STK10: variants seen among roughly 807,000 people sequenced by gnomAD.
STK10 encodes the protein serine/threonine-protein kinase 10.
Under a neutral mutation model 113.8 loss-of-function variants are expected in STK10, and 78 were observed. The ratio of observed to expected loss-of-function variants is 0.69; its 90% CI spans 0.57 to 0.83. The LOEUF is 0.83. Ranked by LOEUF, STK10 falls within the 40% of genes least tolerant of loss-of-function variation. The pLI is 0.00. For missense variants in STK10, 1,109 were observed against 1,280.1 expected (o/e 0.87, Z 2.04); for synonymous variants, 465 against 494.7 (o/e 0.94, Z 0.80).
intron 2 of STK10, among the ~76,000 whole-genome samples, chr5:172,148,712 G>A (rs1457854388): frequency 2.0e-5 from 3 of 152,254 alleles, no homozygotes; most frequent in Non-Finnish European, 4.4e-5. Flanking sequence ...TACATCCTTT[G>A]AACTGTTCCC....
rs368104325 is a variant in STK10 at position 172,056,744 on chromosome 5, A to G, written c.2337+605T>C. Among the ~76,000 whole-genome samples, 779 of 151,212 alleles carry G rather than the reference A, an allele frequency of 5.2e-3. 5 individuals carry two copies. The highest frequency in any genetic ancestry group is 0.018 in the African/African-American group (744 of 41,188). On this transcript the variant is annotated intron_variant, in intron 15 of 18. Transcript: ENST00000176763. ...CAAAAATTAGCCAGGCATGGTGGCA[A>G]GCACCTGTAATCCCAGCTACTCGGG... is the stretch of plus-strand genomic sequence containing the variant.
Position 172,093,296 on chromosome 5 carries a change from CT to C in STK10, c.1554+115del. 2 of 1,157,360 alleles carry C rather than the reference CT, an allele frequency of 1.7e-6. No individual in the cohort carries two copies. 71.7% of individuals were successfully genotyped at this position (1,157,360 alleles called of 1,614,324 possible). A position where few individuals can be genotyped will look rare whatever the true frequency, so the allele number is the denominator to read the frequency against. On this transcript the variant is annotated intron_variant, in intron 9 of 18. Transcript: ENST00000176763. The surrounding 1 kb of genome is among the most constrained non-coding windows in gnomAD (Gnocchi z 4.1). ...AACTATGAGTCAAACCCAAAACCCC[CT>C]AATGAACCACTTAAAATGCAAGGAA...
intron 2 of STK10, among the ~76,000 whole-genome samples, chr5:172,149,414 G>A (rs1353709920): frequency 6.6e-6 from 1 of 152,152 alleles, no homozygotes; most frequent in African/African-American, 2.4e-5. Context: ...TCTGTAAAAT[G>A]GGCATGTCGA....
intron 1 of STK10, among the ~76,000 whole-genome samples, chr5:172,163,911 G>A (rs1291235296): frequency 6.6e-6 from 1 of 152,034 alleles, no homozygotes; most frequent in Non-Finnish European, 1.5e-5. Context: ...CACAGTGATT[G>A]GCTCAAGAAT....
At chr5:172,125,036 A>G (rs1003638320) in intron 3 of STK10, among the ~76,000 whole-genome samples, 5 of 151,994 alleles carry the variant, frequency 3.3e-5, no homozygotes, top group Non-Finnish European at 7.4e-5. Context: ...TGCAAATTTG[A>G]CTCCCTGAAA....
intron 12 of STK10, among the ~76,000 whole-genome samples, chr5:172,069,186 G>C (rs1184562632): frequency 6.6e-6 from 1 of 151,504 alleles, no homozygotes; most frequent in Non-Finnish European, 1.5e-5. Flanking sequence ...GACAAAACAG[G>C]TAATAATTTA....
At position 172,187,036 on chromosome 5, in the gene STK10, C is replaced by A. The variant is rs1438377881; in HGVS notation, c.156+851G>T. ...GTGGGCGTCTCCCAGTAAAAATTTTCTTAGGGGAAAGGGGGGAGTCAAGCT... is the reference window on the plus strand; with the variant it reads ...GTGGGCGTCTCCCAGTAAAAATTTTATTAGGGGAAAGGGGGGAGTCAAGCT... On this transcript the variant is annotated intron_variant, in intron 1 of 18. Coordinates refer to ENST00000176763, the MANE Select transcript of STK10 (RefSeq NM_005990.4). This position sits in a 1 kb window ranked among gnomAD's most constrained non-coding sequence, Gnocchi z 4.6. 6.6e-6 allele frequency among the ~76,000 whole-genome samples: 1 copy of A among 152,058 alleles called. No homozygotes were observed. Among genetic ancestry groups the A allele is most frequent in the African/African-American group, 2.4e-5 (1 of 41,394 alleles).
At chr5:172,096,587 A>C in intron 7 of STK10, 27 bp from the exon 8 acceptor site, 1 of 1,610,854 alleles carries the variant, frequency 6.2e-7, no homozygotes, top group Non-Finnish European at 8.5e-7. Flanking sequence ...CACCCAGATT[A>C]GAACCACTCT....
chr5:172,121,511 TA>T (rs1271594244), intron 3 of STK10, among the ~76,000 whole-genome samples: 3 of 151,028 alleles, frequency 2.0e-5, no homozygotes, highest in African/African-American at 7.3e-5. Flanking sequence ...AGCTAGTTTA[TA>T]AAAAAAATTT....
chr5:172,168,141 C>T (rs936794081), intron 1 of STK10, among the ~76,000 whole-genome samples: 2 of 152,168 alleles, frequency 1.3e-5, no homozygotes, highest in Non-Finnish European at 2.9e-5. Flanking sequence ...TTATTCTGGA[C>T]GGCCGTGCCA....
At chr5:172,165,753 C>T (rs1407328222) in intron 1 of STK10, among the ~76,000 whole-genome samples, 1 of 151,168 alleles carries the variant, frequency 6.6e-6, no homozygotes, top group African/African-American at 2.4e-5. Context: ...CCAACAGGGT[C>T]GTGCCTGGGT....
intron 2 of STK10, among the ~76,000 whole-genome samples, chr5:172,152,873 C>G (rs1770266793): frequency 6.6e-6 from 1 of 152,192 alleles, no homozygotes; most frequent in South Asian, 2.1e-4. Context: ...ATAACTCTTT[C>G]AATGGATCAC....
At chr5:172,178,966 G>C (rs1160462615) in intron 1 of STK10, among the ~76,000 whole-genome samples, 1 of 152,080 alleles carries the variant, frequency 6.6e-6, no homozygotes, top group African/African-American at 2.4e-5. Context: ...TATAATGTAC[G>C]TAACAGCTCC....
At chr5:172,130,881 G>A (rs1227747134) in intron 2 of STK10, among the ~76,000 whole-genome samples, 2 of 152,060 alleles carry the variant, frequency 1.3e-5, no homozygotes, top group African/African-American at 2.4e-5. Context: ...CTTAGATCAC[G>A]TCACTTAGGA....
chr5:172,098,797 T>C (rs1270076360), intron 7 of STK10, among the ~76,000 whole-genome samples: 1 of 152,130 alleles, frequency 6.6e-6, no homozygotes, highest in Non-Finnish European at 1.5e-5. Context: ...TGCTCATCTA[T>C]ATATTAGGAA....
chr5:172,128,221 C>CA (rs35298910), intron 2 of STK10, among the ~76,000 whole-genome samples: 3,175 of 77,062 alleles, frequency 0.041, 75 homozygotes, highest in Non-Finnish European at 0.06. Flanking sequence ...GACTCCGTCT[C>CA]AAAAAAAAAA....
At chr5:172,185,687 G>A (rs911077624) in intron 1 of STK10, among the ~76,000 whole-genome samples, 1 of 152,238 alleles carries the variant, frequency 6.6e-6, no homozygotes, top group Non-Finnish European at 1.5e-5. Context: ...GAGCACAGCT[G>A]CAGGAGCAGG....
intron 2 of STK10, among the ~76,000 whole-genome samples, chr5:172,149,356 A>G (rs1770156753): frequency 6.6e-6 from 1 of 152,144 alleles, no homozygotes; most frequent in Admixed American, 6.5e-5. Context: ...AGGAGCTGCC[A>G]GCCTCCTCCC....
intron 2 of STK10, among the ~76,000 whole-genome samples, chr5:172,149,522 C>CTG (rs367896863): frequency 0.015 from 2,050 of 136,480 alleles, 34 homozygotes; most frequent in African/African-American, 0.045. Flanking sequence ...GTGTGTGTGT[C>CTG]TGTGTGTGTG....
Sources: allele counts gnomAD v4.1 joint callset (sites outside exome capture counted in the v4.1 genomes callset), GRCh38; gene constraint gnomAD v4.1.1; non-coding constraint Gnocchi (gnomAD v3.1); transcripts MANE v1.5; gene names NCBI Gene and HGNC (gene_info 2026-07-23, HGNC 2026-07-21).